Variants in CPA6 observed in about 807,000 individuals in gnomAD.
CPA6 encodes carboxypeptidase B.
CPA6 carries 58 observed loss-of-function variants against 63.3 expected under a neutral mutation model. The ratio of observed to expected loss-of-function variants is 0.92; its 90% CI spans 0.74 to 1.14. The LOEUF is 1.14. Ranked by LOEUF, CPA6 falls within the 50% of genes most tolerant of loss-of-function variation. The pLI is 0.00. For missense variants in CPA6, 565 were observed against 526.6 expected, an observed-to-expected ratio of 1.07 and a Z score of -0.71; for synonymous variants, 185 against 179.0, an observed-to-expected ratio of 1.03 and a Z score of -0.27.
chr8:67,467,309 CTA>C (rs1810948362), intron 8 of CPA6, among the ~76,000 whole-genome samples: 1 of 152,186 alleles, frequency 6.6e-6, no homozygotes, highest in African/African-American at 2.4e-5. Flanking sequence ...ACCCACAAGT[CTA>C]TATGTTTAGG....
chr8:67,538,564 A>G (rs1162709198), intron 2 of CPA6, among the ~76,000 whole-genome samples: 1 of 126,512 alleles, frequency 7.9e-6, no homozygotes, highest in African/African-American at 3.1e-5. Flanking sequence ...ACATTCCTGC[A>G]TCCCTTTATT....
Position 67,663,640 on chromosome 8 carries a change from G to A in CPA6, c.117-39389C>T, listed in dbSNP as rs564969573. 3.3e-5 allele frequency among the ~76,000 whole-genome samples: 5 copies of A among 152,036 alleles called. No individual in the cohort carries two copies. In the South Asian group the frequency reaches 6.2e-4, roughly 19 times the overall value. ...ATGAGGTGTTTGGTTTTCTCTTCCCGCGTTAGTTGGCTGGGGATAATGGCT... is the reference window on the plus strand; with the variant it reads ...ATGAGGTGTTTGGTTTTCTCTTCCCACGTTAGTTGGCTGGGGATAATGGCT... On this transcript the variant is annotated intron_variant, in intron 1 of 10. Transcript: ENST00000297770.
Position 67,645,452 on chromosome 8 carries a change from A to C in CPA6, c.117-21201T>G, listed in dbSNP as rs1815693508. ...CAGGACAGAGCTTTGTATCTTATCT[A>C]CTGGCATATCCTAGAATTCAATTTA... On this transcript the variant is annotated intron_variant, in intron 1 of 10. Coordinates refer to ENST00000297770, the MANE Select transcript of CPA6 (RefSeq NM_020361.5). Among the ~76,000 whole-genome samples the C allele has an allele frequency of 2.0e-5, 3 of 152,300 alleles. No individual in the cohort carries two copies. In the South Asian group the frequency reaches 6.2e-4, roughly 32 times the overall value.
chr8:67,565,891 T>A (rs869285), intron 2 of CPA6, among the ~76,000 whole-genome samples: 10,924 of 152,246 alleles, frequency 0.072, 675 homozygotes, highest in African/African-American at 0.16. Context: ...CTTTGGAGAA[T>A]GCCTCCTGCA....
chr8:67,679,404 G>C (rs2128995669), intron 1 of CPA6, among the ~76,000 whole-genome samples: 1 of 152,242 alleles, frequency 6.6e-6, no homozygotes, highest in Non-Finnish European at 1.5e-5. Context: ...ACACTATTGA[G>C]GCAAAATGCT....
chr8:67,498,535 CAAAAAAAAAAAAAAAA>C (rs397940852), intron 6 of CPA6, among the ~76,000 whole-genome samples: 3 of 33,176 alleles, frequency 9.0e-5, no homozygotes, highest in Non-Finnish European at 2.2e-4. Flanking sequence ...GACTCCATCT[CAAAAAAAAAAAAAAAA>C]AAAAAAAAAA....
intron 6 of CPA6, among the ~76,000 whole-genome samples, chr8:67,496,602 C>T (rs12115165): frequency 0.03 from 4,232 of 140,840 alleles, 219 homozygotes; most frequent in African/African-American, 0.11. Flanking sequence ...TCTCTGTTGC[C>T]CAGGCTAGAG....
chr8:67,671,683 T>A (rs1816347202), intron 1 of CPA6, among the ~76,000 whole-genome samples: 1 of 152,224 alleles, frequency 6.6e-6, no homozygotes, highest in Non-Finnish European at 1.5e-5. Flanking sequence ...TCCCTATTGC[T>A]AAGAAAACAT....
chr8:67,731,180 C>T (rs562165460), intron 1 of CPA6, among the ~76,000 whole-genome samples: 10 of 152,272 alleles, frequency 6.6e-5, no homozygotes, highest in African/African-American at 2.4e-4. Context: ...ATAGCTGGGT[C>T]CATGGTGAGT....
chr8:67,461,701 C>CT (rs1563962051), intron 8 of CPA6, among the ~76,000 whole-genome samples: 1 of 151,734 alleles, frequency 6.6e-6, no homozygotes, highest in African/African-American at 2.4e-5. Flanking sequence ...CTGACCCCCC[C>CT]ACTTCCCTCC....
intron 2 of CPA6, among the ~76,000 whole-genome samples, chr8:67,528,017 TG>T (rs764115349): frequency 2.6e-5 from 4 of 152,172 alleles, no homozygotes; most frequent in Non-Finnish European, 5.9e-5. Context: ...GTCACAGCTT[TG>T]GTAACTCCCC....
intron 8 of CPA6, among the ~76,000 whole-genome samples, chr8:67,436,075 C>T (rs930808739): frequency 8.6e-5 from 13 of 151,928 alleles, no homozygotes; most frequent in African/African-American, 3.2e-4. Context: ...TCCTGCACCC[C>T]ACCCCCACCA....
At chr8:67,632,983 G>C (rs528220063) in intron 1 of CPA6, among the ~76,000 whole-genome samples, 4 of 152,212 alleles carry the variant, frequency 2.6e-5, no homozygotes, top group African/African-American at 9.6e-5. Context: ...TTTTTCTGAT[G>C]AATTTGACAA....
At chr8:67,491,324 A>T (rs67614695) in intron 6 of CPA6, among the ~76,000 whole-genome samples, 1 of 150,940 alleles carries the variant, frequency 6.6e-6, no homozygotes, top group Non-Finnish European at 1.5e-5. Flanking sequence ...ATCAAATAAC[A>T]GTTTGAAAGT....
At chr8:67,583,815 T>C (rs16919078) in intron 2 of CPA6, among the ~76,000 whole-genome samples, 10,212 of 152,016 alleles carry the variant, frequency 0.067, 619 homozygotes, top group African/African-American at 0.16. Flanking sequence ...ACAAAGAAAA[T>C]AATACGGGTA....
rs751220431 is a variant in CPA6, at chr8:67,506,826, T to C, written c.597A>G (p.Glu199=). 4 of 1,613,484 alleles carry C rather than the reference T, an allele frequency of 2.5e-6. No individual in the cohort carries two copies. In the East Asian group the frequency reaches 6.7e-5, roughly 27 times the overall value. The change falls in exon 6 of 11, where the codon GAA becomes GAG. Residue 199 remains glutamate (E), a synonymous_variant. Coordinates refer to ENST00000297770, the MANE Select transcript of CPA6 (RefSeq NM_020361.5). The part of the protein sequence containing the change: ...VWIDCGIHAR[E]WIGPAFCQWF... ...ACTGACAAAAGGCAGGACCAATCCA[T>C]TCTCTTGCATGAATACCACAGTCTA...
At chr8:67,436,317 C>T (rs985345433) in intron 8 of CPA6, among the ~76,000 whole-genome samples, 1 of 151,438 alleles carries the variant, frequency 6.6e-6, no homozygotes, top group Non-Finnish European at 1.5e-5. Flanking sequence ...CCCCAGGCTC[C>T]GGCCTTGTCA....
intron 3 of CPA6, among the ~76,000 whole-genome samples, chr8:67,517,362 C>T (rs576967915): frequency 6.6e-6 from 1 of 152,254 alleles, no homozygotes; most frequent in South Asian, 2.1e-4. Flanking sequence ...TCCCCTTCAC[C>T]CCGCCCCACT....
At position 67,515,802 on chromosome 8, in the gene CPA6, C is replaced by G. The variant is rs148887720; in HGVS notation, c.317+2121G>C. Among the ~76,000 whole-genome samples, 1,261 of 152,264 alleles carry G rather than the reference C, an allele frequency of 8.3e-3. 19 individuals carry two copies. The highest frequency in any genetic ancestry group is 0.029 in the African/African-American group (1,209 of 41,538). ...CCCCTTCAATAATCTCTGTGGCTAC[C>G]CTGTGGATCTTGTCACGAGCCATAA... On this transcript the variant is annotated intron_variant, in intron 3 of 10. Coordinates refer to ENST00000297770, the MANE Select transcript of CPA6 (RefSeq NM_020361.5).
Sources: allele counts gnomAD v4.1 joint callset (sites outside exome capture counted in the v4.1 genomes callset), GRCh38; gene constraint gnomAD v4.1.1; transcripts MANE v1.5; gene names NCBI Gene and HGNC (gene_info 2026-07-23, HGNC 2026-07-21).